Variants in CTPS2 observed in about 807,000 individuals in gnomAD.
CTPS2 encodes the protein CTP synthase 2, also known as CTP synthase II.
A neutral mutation model predicts 46.8 loss-of-function variants in CTPS2; 19 were observed. The ratio of observed to expected loss-of-function variants is 0.41; its 90% CI spans 0.28 to 0.60. The LOEUF (loss-of-function observed/expected upper bound fraction) is 0.60. Among genes scored for constraint, CTPS2 ranks in the 20% least tolerant of loss-of-function variants. The pLI is 0.35. For missense variants in CTPS2, 286 were observed against 447.6 expected (o/e 0.64, Z 3.26); for synonymous variants, 151 against 165.2 (o/e 0.91, Z 0.66).
chrX:16,653,325 G>A (rs1932739538), intron 13 of CTPS2, among the ~76,000 whole-genome samples: 1 of 111,701 alleles, frequency 9.0e-6, no homozygotes, highest in African/African-American at 3.3e-5. Context: ...GATCTCACAC[G>A]ACATCTCAAG....
intron 17 of CTPS2, among the ~76,000 whole-genome samples, chrX:16,598,453 T>C (rs1389159742): frequency 9.3e-6 from 1 of 107,777 alleles, no homozygotes; most frequent in Non-Finnish European, 1.9e-5. Context: ...AACTAGAAAA[T>C]CTAGAAGAAA....
chrX:16,593,962 T>C (rs996219006), intron 17 of CTPS2, among the ~76,000 whole-genome samples: 7 of 111,249 alleles, frequency 6.3e-5, no homozygotes, highest in Non-Finnish European at 1.1e-4. Context: ...GACTCCTTCC[T>C]CGTTCTATGC....
intron 11 of CTPS2, among the ~76,000 whole-genome samples, chrX:16,669,149 G>A (rs1467524929): frequency 9.1e-6 from 1 of 110,087 alleles, no homozygotes. Flanking sequence ...GGGCAGCAGG[G>A]AAGGAGACAC....
At chrX:16,703,948 C>CT (rs1374830963) in intron 1 of CTPS2, among the ~76,000 whole-genome samples, 1 of 63,564 alleles carries the variant, frequency 1.6e-5, no homozygotes. Context: ...TTTTTTTTTT[C>CT]TTTTTTTTTA....
At chrX:16,697,151 AC>A (rs984346462) in intron 4 of CTPS2, among the ~76,000 whole-genome samples, 1 of 110,671 alleles carries the variant, frequency 9.0e-6, no homozygotes, top group African/African-American at 3.3e-5. Context: ...GCCCAAGGTC[AC>A]CCCCTCCTCC....
intron 14 of CTPS2, among the ~76,000 whole-genome samples, chrX:16,627,258 C>G (rs1020641484): frequency 8.9e-6 from 1 of 111,986 alleles, no homozygotes; most frequent in Non-Finnish European, 1.9e-5. Context: ...CCAGAGCCCT[C>G]TCGTATGTGC....
chrX:16,693,942 G>A (rs767981037), intron 4 of CTPS2, among the ~76,000 whole-genome samples: 17 of 111,373 alleles, frequency 1.5e-4, no homozygotes, highest in East Asian at 5.7e-4. Flanking sequence ...CGAGGCGGGC[G>A]GATCACAGGT....
At chrX:16,632,354 T>C (rs774676427) in intron 14 of CTPS2, among the ~76,000 whole-genome samples, 7 of 111,930 alleles carry the variant, frequency 6.3e-5, no homozygotes, top group Middle Eastern at 4.7e-3. Flanking sequence ...CAACTAAATA[T>C]ACAGACCTGA....
chrX:16,636,642 G>A (rs1232933572), intron 14 of CTPS2, among the ~76,000 whole-genome samples: 1 of 110,891 alleles, frequency 9.0e-6, no homozygotes, highest in Non-Finnish European at 1.9e-5. Context: ...TCAGTGAATT[G>A]GGCCGGGCGC....
Position 16,698,356 on chromosome X carries a change from T to C in CTPS2, c.338-20A>G, listed in dbSNP as rs1924285999. On this transcript the variant is annotated intron_variant, in intron 3 of 18. Transcript: ENST00000359276. The stretch of plus-strand genomic sequence containing the variant: ...GGACAACTGTAGAAAGAAGTATTAA[T>C]ACAAAAGTTTATTCCATGCTCATGA... 3 of 1,067,208 alleles carry C rather than the reference T, an allele frequency of 2.8e-6. No individual in the cohort carries two copies. Among genetic ancestry groups the C allele is most frequent in the South Asian group, 1.9e-5 (1 of 52,880 alleles). 87.9% of individuals were successfully genotyped at this position (1,067,208 alleles called of 1,213,427 possible).
In CTPS2 at chrX:16,668,651, T is replaced by TGGAA. The variant is rs201215209; in HGVS notation, c.1190-931_1190-928dup. 4.5e-3 allele frequency among the ~76,000 whole-genome samples: 303 copies of TGGAA among 66,804 alleles called. 2 individuals carry two copies. The highest frequency in any genetic ancestry group is 7.0e-3 in the African/African-American group (116 of 16,528). The allele number at this position is 66,804 out of a possible 115,157, so 58.0% of individuals were successfully genotyped here. ...GAAGGAAGAAGGGAAGAAGGAAGGATGGAAGGAAGGAAGGAAGGAAGAAGG... is the reference window on the plus strand; with the variant it reads ...GAAGGAAGAAGGGAAGAAGGAAGGATGGAAGGAAGGAAGGAAGGAAGGAAGAAGG... On this transcript the variant is annotated intron_variant, in intron 11 of 18. Transcript: ENST00000359276.
chrX:16,622,583 A>G (rs58093016), intron 14 of CTPS2, among the ~76,000 whole-genome samples: 2,791 of 111,174 alleles, frequency 0.025, 99 homozygotes, highest in African/African-American at 0.086. Flanking sequence ...TGTAAATCCA[A>G]TACTAGAGTC....
intron 17 of CTPS2, among the ~76,000 whole-genome samples, chrX:16,604,967 T>C (rs1929887952): frequency 8.9e-6 from 1 of 112,229 alleles, no homozygotes; most frequent in Admixed American, 9.5e-5. Context: ...GTTAGACTCG[T>C]GTAAAAAAAG....
chrX:16,672,979 C>T (rs902310316), intron 10 of CTPS2, among the ~76,000 whole-genome samples: 2 of 98,837 alleles, frequency 2.0e-5, no homozygotes, highest in Non-Finnish European at 4.0e-5. Context: ...CTCCGCCTCC[C>T]GGGTTCATGC....
chrX:16,646,436 A>C (rs1044903021), intron 13 of CTPS2, among the ~76,000 whole-genome samples: 23 of 112,299 alleles, frequency 2.0e-4, no homozygotes, highest in Non-Finnish European at 3.8e-4. Flanking sequence ...AAAGATACGC[A>C]CTCAAGAAGC....
intron 4 of CTPS2, 90 bp downstream of exon 4, chrX:16,698,146 G>C: frequency 1.5e-6 from 1 of 660,405 alleles, no homozygotes; most frequent in Non-Finnish European, 2.5e-6. Context: ...GCACTCAGGA[G>C]GGCGTGTGTA....
At chrX:16,603,573 G>A (rs1207845499) in intron 17 of CTPS2, among the ~76,000 whole-genome samples, 1 of 109,222 alleles carries the variant, frequency 9.2e-6, no homozygotes, top group Non-Finnish European at 1.9e-5. Flanking sequence ...GTGTGGGTGT[G>A]TGTGTATATA....
chrX:16,665,904 G>C (rs5978783), intron 13 of CTPS2, among the ~76,000 whole-genome samples: 39,685 of 109,946 alleles, frequency 0.36, 5,782 homozygotes, highest in African/African-American at 0.53. Context: ...GCATGCACCA[G>C]CACGCCCAGC....
intron 9 of CTPS2, among the ~76,000 whole-genome samples, chrX:16,682,133 T>C (rs1298563658): frequency 1.8e-5 from 2 of 112,314 alleles, no homozygotes; most frequent in East Asian, 5.6e-4. Context: ...AGCATGCTCA[T>C]TCATCTGAAT....
Sources: gnomAD v4.1 joint callset for allele counts (sites outside exome capture counted in the v4.1 genomes callset) on GRCh38, gnomAD v4.1.1 for gene constraint, MANE v1.5 for transcripts, NCBI Gene and HGNC (gene_info 2026-07-23, HGNC 2026-07-21) for gene names.